The following DDX20 variants were observed in gnomAD, a reference collection of about 807,000 sequenced individuals.
The protein encoded by DDX20 is probable ATP-dependent RNA helicase DDX20.
Under a neutral mutation model 76.4 loss-of-function variants are expected in DDX20, and 61 were observed. That is an observed-to-expected ratio of 0.80 (90% CI 0.65 to 0.99). The LOEUF (loss-of-function observed/expected upper bound fraction) is 0.99. DDX20 is among the 50% of genes least tolerant of loss of function. The probability of loss-of-function intolerance (pLI) is 0.00; values close to 1 mark genes in which losing one functional copy is unlikely to be tolerated. For synonymous variants in DDX20, 357 were observed against 357.4 expected (o/e 1.00, Z 0.01); for missense variants, 976 against 996.8 (o/e 0.98, Z 0.28).
chr1:111,767,990 T>C lies in DDX20; in HGVS notation c.*1091T>C, dbSNP rs1274996994. On this transcript the variant is annotated 3_prime_UTR_variant, in exon 11 of 11. Transcript: ENST00000369702. ...AAATTACGATTTAGAAAAATATAAT[T>C]GGAAATTACATATTCTTTGCTTTTT... is the stretch of plus-strand genomic sequence containing the variant. 6.6e-6 allele frequency: 1 copy of C among 152,222 alleles called. No homozygotes were observed. The highest frequency in any genetic ancestry group is 6.5e-5 in the Admixed American group (1 of 15,280). The allele number at this position is 152,222 out of a possible 1,614,324, so 9.4% of individuals were successfully genotyped here.
chr1:111,762,450 A>G, intron 8 of DDX20, 113 bp downstream of exon 8: 1 of 926,842 alleles, frequency 1.1e-6, no homozygotes. Context: ...GAATACCAGA[A>G]GATAATTATC....
At position 111,762,023 on chromosome 1, in the gene DDX20, C is replaced by T. The variant is rs547649143; in HGVS notation, c.1022-232C>T. On this transcript the variant is annotated intron_variant, in intron 7 of 10. Coordinates refer to ENST00000369702, the MANE Select transcript of DDX20 (RefSeq NM_007204.5). ...TAGAATGTTATATATTCAGGCATGG[C>T]CTGATCACTATTTAGGATTGATTTT... 1.4e-4 allele frequency: 61 copies of T among 430,970 alleles called. No individual in the cohort carries two copies. The East Asian group carries it at 2.3e-3, about 16-fold the overall frequency. The allele number at this position is 430,970 out of a possible 1,614,324, so 26.7% of individuals were successfully genotyped here.
In DDX20 at chr1:111,759,452, T is replaced by C. The variant is rs1480656591; in HGVS notation, c.449T>C (p.Ile150Thr). 6.2e-7 allele frequency: 1 copy of C among 1,613,758 alleles called. No individual in the cohort carries two copies. Among genetic ancestry groups the C allele is most frequent in the South Asian group, 1.1e-5 (1 of 91,016 alleles). ...REIAVQIHSV[I>T]TAIGIKMEGL... ...ATTGCTGTACAGATACATTCTGTTATTACAGCCATTGGAATAAAAATGGAA... is the reference window on the plus strand; with the variant it reads ...ATTGCTGTACAGATACATTCTGTTACTACAGCCATTGGAATAAAAATGGAA... The change falls in exon 3 of 11, where the codon ATT becomes ACT. Residue 150 changes from isoleucine (I) to threonine (T), a missense_variant. This residue lies in a region of DDX20 where 343 missense variants were observed against 286.4 expected (regional missense o/e 1.20). Coordinates refer to ENST00000369702, the MANE Select transcript of DDX20 (RefSeq NM_007204.5).
chr1:111,758,779 C>T (rs1485297496), intron 2 of DDX20, among the ~76,000 whole-genome samples: 1 of 152,088 alleles, frequency 6.6e-6, no homozygotes, highest in Non-Finnish European at 1.5e-5. Flanking sequence ...CCTGTCATTA[C>T]TTATTTTTGT....
rs1455954972 is a variant in DDX20, at chr1:111,759,398, A to T, written c.397-2A>T. ...AAGGTGTAATTTATGGTTTTTTTTT[A>T]GATTTTGATCTTGGCTCCTACAAGA... On this transcript the variant is annotated splice_acceptor_variant, in intron 2 of 10. Coordinates refer to ENST00000369702, the MANE Select transcript of DDX20 (RefSeq NM_007204.5). LOFTEE classifies it high-confidence loss of function. 5.0e-6 allele frequency: 8 copies of T among 1,589,858 alleles called. No individual in the cohort carries two copies. In the Admixed American group the frequency reaches 5.5e-5, roughly 11 times the overall value.
rs6660448 is a variant in DDX20, at chr1:111,766,199, C to A, written c.1775C>A (p.Ala592Asp). ...CATCAGCCATACACGTTGACTTTTGCTGAATTGGTAGAGGATTATGAACAT... is the reference window on the plus strand; with the variant it reads ...CATCAGCCATACACGTTGACTTTTGATGAATTGGTAGAGGATTATGAACAT... ...KIHQPYTLTF[A>D]ELVEDYEHYI... is the part of the protein sequence containing the mutation. Residue 592 changes from alanine to aspartate, a missense_variant, in exon 11 of 11, where the codon GCT becomes GAT. Around this residue, in one of 3 missense-constraint regions of DDX20, gnomAD observed 630 missense variants for 693.7 expected, o/e 0.91. Coordinates refer to ENST00000369702, the MANE Select transcript of DDX20 (RefSeq NM_007204.5). The A allele has an allele frequency of 2.0e-3, 3,299 of 1,614,136 alleles. 49 individuals carry two copies. The African/African-American group carries it at 0.039, about 19-fold the overall frequency.
chr1:111,760,579 A>T lies in DDX20; in HGVS notation c.671A>T (p.Glu224Val), dbSNP rs377532506. The T allele has an allele frequency of 2.5e-6, 4 of 1,611,306 alleles. No individual in the cohort carries two copies. The highest frequency in any genetic ancestry group is 2.5e-6 in the Non-Finnish European group (3 of 1,179,172). ...DKLLEEGSFQ[E>V]QINWIYSSLP... Reference sequence around the variant, plus strand: ...CTTTTAGAAGAAGGCAGCTTCCAGGAGCAAATAAAGTAAGAAAAATAACTA... The same window carrying T: ...CTTTTAGAAGAAGGCAGCTTCCAGGTGCAAATAAAGTAAGAAAAATAACTA... The change falls in exon 4 of 11, where the codon GAG (glutamate) becomes GTG (valine). Residue 224 changes from glutamate (E) to valine (V), a missense_variant. Glu to Val is a moderately radical substitution (Grantham distance 121). This residue lies in a region of DDX20 where 343 missense variants were observed against 286.4 expected (regional missense o/e 1.20). Transcript: ENST00000369702.
At position 111,767,714 on chromosome 1, in the gene DDX20, G is replaced by A. The variant is rs915180922; in HGVS notation, c.*815G>A. The A allele has an allele frequency of 6.6e-6, 1 of 152,178 alleles. No individual in the cohort carries two copies. The highest frequency in any genetic ancestry group is 2.1e-4 in the South Asian group (1 of 4,830). The allele number at this position is 152,178 out of a possible 1,614,324, so 9.4% of individuals were successfully genotyped here. A position where few individuals can be genotyped will look rare whatever the true frequency, so the allele number is the denominator to read the frequency against. On this transcript the variant is annotated 3_prime_UTR_variant, in exon 11 of 11. Transcript: ENST00000369702. ...TCATTCCATAAGCACAGAATTGTGA[G>A]TGTAATTTCAAGGGGTTCATAGACC...
At chr1:111,763,755 G>C (rs1031085266) in intron 10 of DDX20, among the ~76,000 whole-genome samples, 7 of 152,040 alleles carry the variant, frequency 4.6e-5, no homozygotes, top group Non-Finnish European at 7.4e-5. Flanking sequence ...TCTTTAATTT[G>C]AATACTATTT....
rs1228740370 is a variant in DDX20, at chr1:111,761,037, G to A, written c.874G>A (p.Val292Ile). The A allele has an allele frequency of 6.2e-7, 1 of 1,613,962 alleles. No homozygotes were observed. Among genetic ancestry groups the A allele is most frequent in the Admixed American group, 1.7e-5 (1 of 60,026 alleles). ...CAATTCATACCCTTTGGCACATAAG[G>A]TTTTTGAGGAAAAGACTCAGCATTT... Reference protein sequence around the residue: ...VVNSYPLAHKVFEEKTQHLQE... With the variant: ...VVNSYPLAHKIFEEKTQHLQE... Residue 292 changes from valine (V) to isoleucine (I), a missense_variant, in exon 6 of 11, where the codon GTT (valine) becomes ATT (isoleucine). Transcript: ENST00000369702.
chr1:111,764,269 G>T lies in DDX20; in HGVS notation c.1312+1262G>T, dbSNP rs559538426. ...TGCACTCCAGCCTGGGCGAAAGTGC[G>T]AGACTCAGTCTCAAAAAAAAAAAAG... is the stretch of plus-strand genomic sequence containing the variant. On this transcript the variant is annotated intron_variant, in intron 10 of 10. Transcript: ENST00000369702. Among the ~76,000 whole-genome samples the T allele has an allele frequency of 3.0e-4, 45 of 149,060 alleles. 1 individual carries two copies. The highest frequency in any genetic ancestry group is 1.1e-3 in the African/African-American group (45 of 39,708).
rs1431141048 is a variant in DDX20 at position 111,755,905 on chromosome 1, G to C, written c.-20G>C. On this transcript the variant is annotated 5_prime_UTR_variant, in exon 1 of 11. Coordinates refer to ENST00000369702, the MANE Select transcript of DDX20 (RefSeq NM_007204.5). ...CCCCGCCTCCCCTTAAGCACCGCGAGATCTGACGGCGCGGCTACCATGGCG... is the reference window on the plus strand; with the variant it reads ...CCCCGCCTCCCCTTAAGCACCGCGACATCTGACGGCGCGGCTACCATGGCG... 1 of 1,565,586 alleles carries C rather than the reference G, an allele frequency of 6.4e-7. No individual in the cohort carries two copies. The highest frequency in any genetic ancestry group is 1.4e-5 in the African/African-American group (1 of 73,382).
rs1663663727 is a variant in DDX20, at chr1:111,761,015, T to A, written c.852T>A (p.Asn284Lys). 6.8e-6 allele frequency: 11 copies of A among 1,613,996 alleles called. No homozygotes were observed. In the East Asian group the frequency reaches 2.5e-4, roughly 36 times the overall value. ...TGAAGCAGTATTACAAAGTTGTCAA[T>A]TCATACCCTTTGGCACATAAGGTTT... The part of the protein sequence containing the change: ...IGLKQYYKVV[N>K]SYPLAHKVFE... The change falls in exon 6 of 11, where the codon AAT becomes AAA. Residue 284 changes from asparagine to lysine, a missense_variant. Asn to Lys is a moderately conservative substitution (Grantham distance 94, BLOSUM62 0). Coordinates refer to ENST00000369702, the MANE Select transcript of DDX20 (RefSeq NM_007204.5).
intron 7 of DDX20, chr1:111,761,759 A>G (rs1663681072): frequency 6.5e-6 from 1 of 154,958 alleles, no homozygotes; most frequent in African/African-American, 2.4e-5. Flanking sequence ...GAAAGAGTCG[A>G]AGGATTTTTT....
At chr1:111,758,192 G>A (rs1311446958) in intron 2 of DDX20, among the ~76,000 whole-genome samples, 1 of 152,098 alleles carries the variant, frequency 6.6e-6, no homozygotes, top group Non-Finnish European at 1.5e-5. Context: ...TTTGGATTAT[G>A]AAAATTACAT....
intron 2 of DDX20, among the ~76,000 whole-genome samples, chr1:111,757,031 C>T (rs1388335279): frequency 6.6e-6 from 1 of 151,630 alleles, no homozygotes; most frequent in Non-Finnish European, 1.5e-5. Context: ...TAATGTAGTG[C>T]TCTGGCTATT....
intron 2 of DDX20, 92 bp from the exon 3 acceptor site, chr1:111,759,308 A>T: frequency 2.1e-6 from 2 of 948,116 alleles, no homozygotes; most frequent in Non-Finnish European, 3.0e-6. Context: ...ATGATCATTT[A>T]AATGAAATAT....
At chr1:111,762,465 C>T (rs909044535) in intron 8 of DDX20, 128 bp downstream of exon 8, 1 of 876,332 alleles carries the variant, frequency 1.1e-6, no homozygotes, top group Non-Finnish European at 1.8e-6. Flanking sequence ...ATTATCTTTC[C>T]AGTGCTGAGG....
In DDX20 at chr1:111,756,139, C is replaced by T. The variant is rs1663545001; in HGVS notation, c.215C>T (p.Pro72Leu). The T allele has an allele frequency of 1.9e-6, 3 of 1,580,538 alleles. No individual in the cohort carries two copies. The highest frequency in any genetic ancestry group is 2.7e-5 in the African/African-American group (2 of 74,456). Residue 72 changes from proline (P) to leucine (L), a missense_variant, in exon 1 of 11, where the codon CCG becomes CTG. Coordinates refer to ENST00000369702, the MANE Select transcript of DDX20 (RefSeq NM_007204.5). ...TTCGAGTCACTGCTGCTTTCGCGGC[C>T]GGTGCTGGAGGGGCTGCGGGCGGCC... ...ADFESLLLSR[P>L]VLEGLRAAGF...
Sources: allele counts gnomAD v4.1 joint callset (sites outside exome capture counted in the v4.1 genomes callset), GRCh38; gene constraint gnomAD v4.1.1; regional missense constraint gnomAD v4.1.1; transcripts MANE v1.5; gene names NCBI Gene and HGNC (gene_info 2026-07-23, HGNC 2026-07-21).